The following SCHIP1 variants were observed in gnomAD, a reference collection of about 807,000 sequenced individuals.
SCHIP1 encodes the protein schwannomin interacting protein 1.
SCHIP1 carries 8 observed loss-of-function variants against 29.7 expected under a neutral mutation model. That is an observed-to-expected ratio of 0.27 (90% CI 0.16 to 0.49). The LOEUF (loss-of-function observed/expected upper bound fraction) is 0.49, where lower values mean the gene tolerates loss of function less well. SCHIP1 is among the 20% of genes least tolerant of loss of function. The pLI, the probability that SCHIP1 is intolerant of heterozygous loss-of-function variation, is 0.99. For synonymous variants in SCHIP1, 76 were observed against 94.9 expected (o/e 0.80, Z 1.16); for missense variants, 193 against 294.6 (o/e 0.66, Z 2.52).
the SCHIP1 span, among the ~76,000 whole-genome samples, chr3:159,747,217 A>G: frequency 5.3e-5 from 8 of 152,318 alleles, no homozygotes; most frequent in East Asian, 1.4e-3. Context: ...GGACTTCTCT[A>G]GAAGTCTGGG....
the SCHIP1 span, among the ~76,000 whole-genome samples, chr3:159,696,506 G>A: frequency 1.2e-3 from 189 of 152,222 alleles, no homozygotes; most frequent in African/African-American, 4.5e-3. Flanking sequence ...TAGCTCTCTA[G>A]ATACCTCTAC....
At chr3:159,565,467 G>A in the SCHIP1 span, among the ~76,000 whole-genome samples, 830 of 152,224 alleles carry the variant, frequency 5.5e-3, 8 homozygotes, top group African/African-American at 0.019. Context: ...CATCTCCTAT[G>A]TTTCTATCCA....
the SCHIP1 span, among the ~76,000 whole-genome samples, chr3:159,445,421 T>G: frequency 6.6e-6 from 1 of 151,150 alleles, no homozygotes; most frequent in Non-Finnish European, 1.5e-5. Flanking sequence ...ACTTTTACAC[T>G]GTTGGTGGGA....
At chr3:159,673,644 G>T in the SCHIP1 span, among the ~76,000 whole-genome samples, 516 of 152,240 alleles carry the variant, frequency 3.4e-3, 4 homozygotes, top group African/African-American at 0.012. Context: ...ATCCTTCTAG[G>T]TCCCCTGAAA....
the SCHIP1 span, among the ~76,000 whole-genome samples, chr3:159,518,772 C>T: frequency 6.6e-6 from 1 of 152,194 alleles, no homozygotes; most frequent in East Asian, 1.9e-4. Flanking sequence ...GGCATCTTTC[C>T]ATATTCCTCC....
the SCHIP1 span, among the ~76,000 whole-genome samples, chr3:159,515,769 ATTTC>A: frequency 6.6e-6 from 1 of 152,138 alleles, no homozygotes; most frequent in Admixed American, 6.6e-5. Context: ...TAGTTCACTG[ATTTC>A]TTTATTCTTT....
chr3:159,345,020 G>T, the SCHIP1 span, among the ~76,000 whole-genome samples: 1 of 151,904 alleles, frequency 6.6e-6, no homozygotes, highest in Admixed American at 6.6e-5. Context: ...AGGCTGAGGC[G>T]CATTCAAGAC....
the SCHIP1 span, among the ~76,000 whole-genome samples, chr3:159,553,265 TAA>T: frequency 1.4e-5 from 2 of 144,936 alleles, no homozygotes; most frequent in Non-Finnish European, 3.0e-5. Context: ...TGGAAAAGGT[TAA>T]AAAAAAAAAA....
At chr3:159,713,229 A>G in the SCHIP1 span, among the ~76,000 whole-genome samples, 131 of 106,730 alleles carry the variant, frequency 1.2e-3, no homozygotes, top group African/African-American at 4.3e-3. Context: ...AGAGAGAAAG[A>G]AAGGAAGAAA....
At chr3:159,362,191 T>G in the SCHIP1 span, among the ~76,000 whole-genome samples, 18 of 152,252 alleles carry the variant, frequency 1.2e-4, no homozygotes, top group Admixed American at 1.0e-3. Flanking sequence ...ACAATGAGGT[T>G]TTCTGGAAAC....
chr3:159,322,215 G>A, the SCHIP1 span, among the ~76,000 whole-genome samples: 2 of 152,082 alleles, frequency 1.3e-5, no homozygotes, highest in Middle Eastern at 3.2e-3. Flanking sequence ...AGCATCCACC[G>A]TGTGGAAGAC....
At chr3:159,789,584 G>T in the SCHIP1 span, among the ~76,000 whole-genome samples, 1 of 152,100 alleles carries the variant, frequency 6.6e-6, no homozygotes, top group Non-Finnish European at 1.5e-5. Flanking sequence ...CAATTGCTGG[G>T]CTCCACACTC....
the SCHIP1 span, among the ~76,000 whole-genome samples, chr3:159,807,342 C>A: frequency 6.6e-6 from 1 of 152,208 alleles, no homozygotes; most frequent in South Asian, 2.1e-4. Flanking sequence ...AATAAACGGG[C>A]AAGTAATGGA....
chr3:159,794,907 C>T, the SCHIP1 span, among the ~76,000 whole-genome samples: 3 of 152,054 alleles, frequency 2.0e-5, no homozygotes, highest in South Asian at 2.1e-4. Context: ...TGGGTGGAGG[C>T]GGGGTGATGT....
chr3:159,672,783 T>C, the SCHIP1 span, among the ~76,000 whole-genome samples: 51 of 152,210 alleles, frequency 3.4e-4, no homozygotes, highest in Admixed American at 8.5e-4. Context: ...TCCTCATCTC[T>C]AGAAAGGAGA....
At chr3:159,468,765 A>C in the SCHIP1 span, among the ~76,000 whole-genome samples, 5 of 123,364 alleles carry the variant, frequency 4.1e-5, no homozygotes, top group Non-Finnish European at 8.3e-5. Context: ...TAATATATAT[A>C]TATATATATA....
At chr3:159,706,230 C>T in the SCHIP1 span, among the ~76,000 whole-genome samples, 3 of 152,040 alleles carry the variant, frequency 2.0e-5, no homozygotes, top group East Asian at 1.9e-4. Context: ...TTTAACTCCA[C>T]CTATACTGCC....
the SCHIP1 span, among the ~76,000 whole-genome samples, chr3:159,732,071 C>T: frequency 6.6e-6 from 1 of 152,168 alleles, no homozygotes; most frequent in East Asian, 1.9e-4. Flanking sequence ...GTCCCGAACT[C>T]CTGAACTCAG....
chr3:159,554,036 G>C, the SCHIP1 span, among the ~76,000 whole-genome samples: 12 of 150,476 alleles, frequency 8.0e-5, no homozygotes, highest in African/African-American at 2.7e-4. Context: ...ATGTGTGTGT[G>C]TGTGTGTGTA....
Sources: allele counts gnomAD v4.1 joint callset (sites outside exome capture counted in the v4.1 genomes callset), GRCh38; gene constraint gnomAD v4.1.1; transcripts MANE v1.5; gene names NCBI Gene and HGNC (gene_info 2026-07-23, HGNC 2026-07-21).